Variants in LAMP5 observed in about 807,000 individuals in gnomAD.
LAMP5 encodes lysosome associated membrane protein 5.
LAMP5 carries 36 observed loss-of-function variants against 30.2 expected under a neutral mutation model. The observed-to-expected ratio is 1.19, with a 90% CI of 0.91 to 1.57. LAMP5 has a LOEUF of 1.57. Ranked by LOEUF, LAMP5 falls within the 40% of genes most tolerant of loss-of-function variation. The pLI is 0.00. For missense variants in LAMP5, 377 were observed against 354.9 expected (o/e 1.06, Z -0.50); for synonymous variants, 149 against 134.6 (o/e 1.11, Z -0.74).
In LAMP5 at chr20:9,516,244, C is replaced by T; in HGVS notation, c.370-12C>T. 6.2e-7 allele frequency: 1 copy of T among 1,614,026 alleles called. No individual in the cohort carries two copies. Among genetic ancestry groups the T allele is most frequent in the Non-Finnish European group, 8.5e-7 (1 of 1,179,898 alleles). On this transcript the variant is annotated splice_polypyrimidine_tract_variant and intron_variant, in intron 3 of 5. Coordinates refer to ENST00000246070, the MANE Select transcript of LAMP5 (RefSeq NM_012261.4). ...GCGGGGACGATTGAAGCGCACCTCC[C>T]CGGCTCAACAGGAAAGCCACAACAT...
intron 5 of LAMP5, among the ~76,000 whole-genome samples, chr20:9,522,894 T>G (rs1444327434): frequency 6.6e-6 from 1 of 152,006 alleles, no homozygotes; most frequent in Non-Finnish European, 1.5e-5. Context: ...GTGTATACAA[T>G]GCATGTCATG....
intron 5 of LAMP5, among the ~76,000 whole-genome samples, chr20:9,519,079 G>A (rs2045062675): frequency 6.6e-6 from 1 of 152,204 alleles, no homozygotes; most frequent in African/African-American, 2.4e-5. Context: ...CACAAGGGGA[G>A]TCAAAACCTC....
chr20:9,514,764 C>T lies in LAMP5; in HGVS notation c.-89C>T, dbSNP rs1329176270. On this transcript the variant is annotated 5_prime_UTR_variant, in exon 1 of 6. Transcript: ENST00000246070. ...TCTCTGTCCCCCGCCTCTCGCTCACCCCGGCCCACTCCAGCGGCGACTTTG... is the reference window on the plus strand; with the variant it reads ...TCTCTGTCCCCCGCCTCTCGCTCACTCCGGCCCACTCCAGCGGCGACTTTG... 4.1e-6 allele frequency: 5 copies of T among 1,228,940 alleles called. No individual in the cohort carries two copies. The highest frequency in any genetic ancestry group is 5.9e-6 in the Non-Finnish European group (5 of 842,668). 76.1% of individuals were successfully genotyped at this position (1,228,940 alleles called of 1,614,324 possible).
chr20:9,517,973 C>T, intron 4 of LAMP5, 67 bp from the exon 5 acceptor site: 1 of 1,452,506 alleles, frequency 6.9e-7, no homozygotes, highest in Non-Finnish European at 9.5e-7. Flanking sequence ...AGGCAATAGC[C>T]AGCTCTCTGG....
At chr20:9,525,283 T>A (rs537443755) in intron 5 of LAMP5, among the ~76,000 whole-genome samples, 1 of 152,296 alleles carries the variant, frequency 6.6e-6, no homozygotes, top group South Asian at 2.1e-4. Flanking sequence ...TTAAAAGAAG[T>A]ACACAGAAGA....
chr20:9,522,711 G>C (rs1308320434), intron 5 of LAMP5, among the ~76,000 whole-genome samples: 1 of 152,172 alleles, frequency 6.6e-6, no homozygotes, highest in African/African-American at 2.4e-5. Context: ...GGTCGCTGTG[G>C]AAGCATTAAC....
At chr20:9,523,230 T>C (rs1020639248) in intron 5 of LAMP5, among the ~76,000 whole-genome samples, 1 of 152,144 alleles carries the variant, frequency 6.6e-6, no homozygotes, top group African/African-American at 2.4e-5. Flanking sequence ...AGGGAACATA[T>C]GGAAAGAGCG....
rs1351422444 is a variant in LAMP5 at position 9,529,785 on chromosome 20, C to A, written c.808C>A (p.Pro270Thr). ...AATGACTGCCAACCAGGTGCAGATC[C>A]CTCGGGACAGATCCCAGTATAAGCA... ...HKMTANQVQI[P>T]RDRSQYKHMG is the part of the protein sequence containing the mutation. The change falls in exon 6 of 6, where the codon CCT (proline) becomes ACT (threonine). Residue 270 changes from proline to threonine, a missense_variant. By Grantham distance (38) the Pro-to-Thr change is conservative. Coordinates refer to ENST00000246070, the MANE Select transcript of LAMP5 (RefSeq NM_012261.4). 1 of 1,614,198 alleles carries A rather than the reference C, an allele frequency of 6.2e-7. No individual in the cohort carries two copies. The highest frequency in any genetic ancestry group is 1.1e-5 in the South Asian group (1 of 91,088).
Position 9,516,084 on chromosome 20 carries a change from G to A in LAMP5, c.322G>A (p.Val108Met). ...RCGHSQSELQVFWVDRAYALK... is the reference protein window; with the variant it reads ...RCGHSQSELQMFWVDRAYALK... ...TGGCCACAGCCAGTCGGAGCTGCAA[G>A]TGTTCTGGGTGGATCGCGCATATGC... Residue 108 changes from valine to methionine, a missense_variant, in exon 3 of 6, where the codon GTG (valine) becomes ATG (methionine). Physicochemically the swap from Val to Met is conservative, Grantham distance 21. Transcript: ENST00000246070. The A allele has an allele frequency of 1.3e-6, 2 of 1,547,082 alleles. No homozygotes were observed. The highest frequency in any genetic ancestry group is 1.7e-6 in the Non-Finnish European group (2 of 1,153,002).
intron 5 of LAMP5, 148 bp downstream of exon 5, chr20:9,518,376 T>G (rs1568943410): frequency 4.5e-6 from 3 of 671,690 alleles, no homozygotes. Context: ...TTTCAAAGAC[T>G]AAAAAAGCAG....
rs201564418 is a variant in LAMP5 at position 9,526,860 on chromosome 20, G to GTATATATATATATATA, written c.665-2755_665-2740dup. ...GATACATATACATATGTGTGTGTGT[G>GTATATATATATATATA]TATATATATATATATATATATATAT... On this transcript the variant is annotated intron_variant, in intron 5 of 5. Coordinates refer to ENST00000246070, the MANE Select transcript of LAMP5 (RefSeq NM_012261.4). 6.1e-4 allele frequency among the ~76,000 whole-genome samples: 49 copies of GTATATATATATATATA among 80,196 alleles called. 1 individual carries two copies. The highest frequency in any genetic ancestry group is 9.6e-4 in the Non-Finnish European group (38 of 39,550). The allele number at this position is 80,196 out of a possible 152,430, so 52.6% of individuals were successfully genotyped here.
rs750633538 is a variant in LAMP5, at chr20:9,518,236, G to T, written c.664+8G>T. 3.1e-6 allele frequency: 5 copies of T among 1,613,386 alleles called. No individual in the cohort carries two copies. Among genetic ancestry groups the T allele is most frequent in the Non-Finnish European group, 4.2e-6 (5 of 1,179,398 alleles). ...ATTTTGTCTTCAGTGAAGGTAAGTTGTTGGGGGATGGAGGGGAAGAAGACC... is the reference window on the plus strand; with the variant it reads ...ATTTTGTCTTCAGTGAAGGTAAGTTTTTGGGGGATGGAGGGGAAGAAGACC... On this transcript the variant is annotated splice_region_variant and intron_variant, in intron 5 of 5. Transcript: ENST00000246070.
At chr20:9,515,692 G>C in intron 2 of LAMP5, 67 bp downstream of exon 2, 12 of 1,550,198 alleles carry the variant, frequency 7.7e-6, no homozygotes, top group Non-Finnish European at 1.1e-5. Flanking sequence ...CCTTCCTCAA[G>C]GCTCTTCGAA....
Position 9,518,139 on chromosome 20 carries a change from C to G in LAMP5, c.575C>G (p.Ser192Cys). Residue 192 changes from serine to cysteine, a missense_variant, in exon 5 of 6, where the codon TCT (serine) becomes TGT (cysteine). Physicochemically the swap from Ser to Cys is moderately radical, Grantham distance 112. Coordinates refer to ENST00000246070, the MANE Select transcript of LAMP5 (RefSeq NM_012261.4). Reference sequence around the variant, plus strand: ...GCTCAACAAACCATTTCACTGGCCTCTAGTGATCCGCAGAAGACGGTCACC... The same window carrying G: ...GCTCAACAAACCATTTCACTGGCCTGTAGTGATCCGCAGAAGACGGTCACC... ...CQAQQTISLA[S>C]SDPQKTVTMI... The G allele has an allele frequency of 1.2e-6, 2 of 1,614,198 alleles. No individual in the cohort carries two copies. The highest frequency in any genetic ancestry group is 1.3e-5 in the African/African-American group (1 of 75,062).
At chr20:9,527,284 G>A (rs6133716) in intron 5 of LAMP5, among the ~76,000 whole-genome samples, 23,770 of 151,938 alleles carry the variant, frequency 0.16, 2,383 homozygotes, top group East Asian at 0.32. Context: ...ACTTATTATC[G>A]TTATGACTTG....
At chr20:9,524,344 G>A (rs184056677) in intron 5 of LAMP5, among the ~76,000 whole-genome samples, 45 of 152,152 alleles carry the variant, frequency 3.0e-4, no homozygotes, top group Admixed American at 2.9e-3. Context: ...GAGCAGCATT[G>A]TTTTAAATGA....
At chr20:9,518,285 A>G in intron 5 of LAMP5, 57 bp downstream of exon 5, 1 of 1,511,764 alleles carries the variant, frequency 6.6e-7, no homozygotes, top group Non-Finnish European at 9.1e-7. Flanking sequence ...GAAGGATGAG[A>G]GAGGGACCTA....
At chr20:9,523,387 C>A (rs1419127676) in intron 5 of LAMP5, among the ~76,000 whole-genome samples, 1 of 152,102 alleles carries the variant, frequency 6.6e-6, no homozygotes, top group East Asian at 1.9e-4. Flanking sequence ...CATTGCCTAT[C>A]CCAATGCCAT....
At chr20:9,516,854 G>C (rs1166920869) in intron 4 of LAMP5, among the ~76,000 whole-genome samples, 1 of 152,128 alleles carries the variant, frequency 6.6e-6, no homozygotes, top group Non-Finnish European at 1.5e-5. Flanking sequence ...GTCATCGACT[G>C]CAGCTACCTG....
Sources: allele counts gnomAD v4.1 joint callset (sites outside exome capture counted in the v4.1 genomes callset), GRCh38; gene constraint gnomAD v4.1.1; transcripts MANE v1.5; gene names NCBI Gene and HGNC (gene_info 2026-07-23, HGNC 2026-07-21).